VTI1A: variants seen among roughly 807,000 people sequenced by gnomAD.
The protein encoded by VTI1A is vesicle transport through interaction with t-SNAREs 1A.
Under a neutral mutation model 34.9 loss-of-function variants are expected in VTI1A, and 22 were observed. The observed-to-expected ratio is 0.63, with a 90% CI of 0.45 to 0.90. The LOEUF (loss-of-function observed/expected upper bound fraction) is 0.90. Ranked by LOEUF, VTI1A falls within the 40% of genes least tolerant of loss-of-function variation. The pLI is 0.00. For missense variants in VTI1A, 268 were observed against 275.6 expected (o/e 0.97, Z 0.20); for synonymous variants, 87 against 97.3 (o/e 0.89, Z 0.62).
intron 7 of VTI1A, among the ~76,000 whole-genome samples, chr10:112,714,512 A>G (rs1849537584): frequency 6.6e-6 from 1 of 152,226 alleles, no homozygotes. Context: ...TATTCATCAA[A>G]TGAAAGGATT....
chr10:112,830,814 A>G, the VTI1A span, among the ~76,000 whole-genome samples: 1 of 91,920 alleles, frequency 1.1e-5, no homozygotes, highest in Non-Finnish European at 2.2e-5. Flanking sequence ...CACCTTCCCT[A>G]AAACCCTCAT....
chr10:112,840,003 T>C, the VTI1A span, among the ~76,000 whole-genome samples: 1 of 151,968 alleles, frequency 6.6e-6, no homozygotes, highest in African/African-American at 2.4e-5. Context: ...GCTGTGAGGA[T>C]AAAGAGCTGA....
chr10:112,601,935 T>C lies in VTI1A; in HGVS notation c.427+63605T>C, dbSNP rs149632975. Among the ~76,000 whole-genome samples, 56 of 152,270 alleles carry C rather than the reference T, an allele frequency of 3.7e-4. 1 individual carries two copies. In the East Asian group the frequency reaches 9.3e-3, roughly 25 times the overall value. ...TAGCCTGGGGTTATTCAAATACAGA[T>C]AAAGACAATACATTTCCATAAATTC... On this transcript the variant is annotated intron_variant, in intron 5 of 7. Coordinates refer to ENST00000393077, the MANE Select transcript of VTI1A (RefSeq NM_145206.4).
chr10:112,713,262 C>T (rs1041981752), intron 7 of VTI1A, among the ~76,000 whole-genome samples: 3 of 152,140 alleles, frequency 2.0e-5, no homozygotes, highest in African/African-American at 2.4e-5. Context: ...TTACTTAATC[C>T]TTTTAGTAAT....
chr10:112,704,092 C>G (rs898534683), intron 7 of VTI1A, among the ~76,000 whole-genome samples: 7 of 152,130 alleles, frequency 4.6e-5, no homozygotes, highest in Admixed American at 3.3e-4. Context: ...TTCAGAATTA[C>G]TTCATAGTTT....
intron 7 of VTI1A, among the ~76,000 whole-genome samples, chr10:112,804,531 T>C (rs1278098632): frequency 6.6e-6 from 1 of 152,174 alleles, no homozygotes; most frequent in East Asian, 1.9e-4. Context: ...AGTTGGCTGA[T>C]TTTGTTGGGG....
chr10:112,828,356 T>G, the VTI1A span, among the ~76,000 whole-genome samples: 1 of 152,114 alleles, frequency 6.6e-6, no homozygotes, highest in African/African-American at 2.4e-5. Flanking sequence ...AGAAAGATAT[T>G]TATTTCTCCA....
At chr10:112,611,772 C>T (rs1326248297) in intron 5 of VTI1A, among the ~76,000 whole-genome samples, 3 of 98,276 alleles carry the variant, frequency 3.1e-5, no homozygotes, top group African/African-American at 1.1e-4. Flanking sequence ...GACGGAGTCT[C>T]GCTCTGTCGC....
intron 5 of VTI1A, among the ~76,000 whole-genome samples, chr10:112,577,002 C>T (rs759203939): frequency 2.0e-5 from 3 of 151,924 alleles, no homozygotes; most frequent in African/African-American, 4.8e-5. Context: ...TTTTATAATC[C>T]GTCTATAAGG....
chr10:112,758,327 G>T (rs1018673518), intron 7 of VTI1A, among the ~76,000 whole-genome samples: 1 of 151,998 alleles, frequency 6.6e-6, no homozygotes, highest in Non-Finnish European at 1.5e-5. Flanking sequence ...GCCAGCTCAG[G>T]CCTGGCAACC....
chr10:112,836,412 G>A, the VTI1A span, among the ~76,000 whole-genome samples: 8 of 152,302 alleles, frequency 5.3e-5, no homozygotes, highest in South Asian at 8.3e-4. Context: ...CACACAGCAA[G>A]CTACTTGCAG....
intron 7 of VTI1A, among the ~76,000 whole-genome samples, chr10:112,692,916 T>C (rs1661307599): frequency 6.6e-6 from 1 of 152,216 alleles, no homozygotes; most frequent in South Asian, 2.1e-4. Flanking sequence ...AGCTTTCATC[T>C]CTGCCTCACC....
intron 3 of VTI1A, among the ~76,000 whole-genome samples, chr10:112,500,593 G>A (rs1468862114): frequency 2.0e-5 from 3 of 152,126 alleles, no homozygotes; most frequent in African/African-American, 7.2e-5. Flanking sequence ...TTTCCACTGG[G>A]AGGAACATAT....
At chr10:112,597,449 C>T (rs935598173) in intron 5 of VTI1A, among the ~76,000 whole-genome samples, 11 of 152,084 alleles carry the variant, frequency 7.2e-5, no homozygotes, top group African/African-American at 2.4e-4. Context: ...AACTCCCGAC[C>T]GCAGGTGATC....
chr10:112,465,850 T>C (rs1289452618), intron 3 of VTI1A, among the ~76,000 whole-genome samples: 2 of 152,262 alleles, frequency 1.3e-5, no homozygotes, highest in East Asian at 3.9e-4. Context: ...ATGGTTAAAA[T>C]GGTAAATTTT....
intron 3 of VTI1A, among the ~76,000 whole-genome samples, chr10:112,516,804 G>T (rs1427028073): frequency 1.3e-5 from 2 of 152,006 alleles, no homozygotes; most frequent in African/African-American, 2.4e-5. Context: ...GAGAGAGTGG[G>T]ATAATTTTTA....
At chr10:112,516,975 T>A (rs1375688461) in intron 3 of VTI1A, among the ~76,000 whole-genome samples, 3 of 152,068 alleles carry the variant, frequency 2.0e-5, no homozygotes, top group African/African-American at 7.2e-5. Flanking sequence ...ATTGGATTTG[T>A]AGTGGAATAT....
intron 7 of VTI1A, among the ~76,000 whole-genome samples, chr10:112,708,926 T>C (rs949044513): frequency 6.6e-6 from 1 of 152,266 alleles, no homozygotes; most frequent in African/African-American, 2.4e-5. Context: ...AGAGCAGTAC[T>C]TGGTTTCTGG....
rs546169470 is a variant in VTI1A at position 112,478,935 on chromosome 10, G to A, written c.264+14278G>A. ...TGTAATCCCAGCACTTTGGGAGGCC[G>A]AGACGGGCGGATCACAAGGTCAAGA... On this transcript the variant is annotated intron_variant, in intron 3 of 7. Coordinates refer to ENST00000393077, the MANE Select transcript of VTI1A (RefSeq NM_145206.4). 3.9e-5 allele frequency among the ~76,000 whole-genome samples: 6 copies of A among 152,096 alleles called. No homozygotes were observed. In the South Asian group the frequency reaches 6.2e-4, roughly 16 times the overall value.
Sources: allele counts gnomAD v4.1 joint callset (sites outside exome capture counted in the v4.1 genomes callset), GRCh38; gene constraint gnomAD v4.1.1; transcripts MANE v1.5; gene names NCBI Gene and HGNC (gene_info 2026-07-23, HGNC 2026-07-21).